The following CDYL variants were observed in gnomAD, a reference collection of about 807,000 sequenced individuals.
CDYL encodes chromodomain Y like, also known as chromodomain Y-like protein.
CDYL carries 8 observed loss-of-function variants against 47.3 expected under a neutral mutation model. The observed-to-expected ratio is 0.17, with a 90% CI of 0.10 to 0.31. CDYL has a LOEUF of 0.31. Among genes scored for constraint, CDYL ranks in the 10% least tolerant of loss-of-function variants. The pLI is 1.00. For synonymous variants in CDYL, 266 were observed against 265.0 expected, an observed-to-expected ratio of 1.00 and a Z score of -0.04; for missense variants, 471 against 701.4, an observed-to-expected ratio of 0.67 and a Z score of 3.71.
intron 1 of CDYL, among the ~76,000 whole-genome samples, chr6:4,820,636 A>T (rs904927631): frequency 1.3e-5 from 2 of 152,158 alleles, no homozygotes; most frequent in African/African-American, 4.8e-5. Context: ...GATTGTATTT[A>T]AGAAGAGGCT....
intron 1 of CDYL, among the ~76,000 whole-genome samples, chr6:4,824,775 C>T: frequency 6.6e-6 from 1 of 151,990 alleles, no homozygotes; most frequent in African/African-American, 2.4e-5. Flanking sequence ...ACATATCCAA[C>T]TGTTTCTTTT....
chr6:4,847,586 T>A (rs1393682438), intron 1 of CDYL, among the ~76,000 whole-genome samples: 1 of 152,224 alleles, frequency 6.6e-6, no homozygotes, highest in Non-Finnish European at 1.5e-5. Flanking sequence ...TCTCTTGTCA[T>A]GAACTGAAGG....
intron 1 of CDYL, among the ~76,000 whole-genome samples, chr6:4,842,635 TTTACC>T (rs1374056958): frequency 3.3e-5 from 5 of 152,262 alleles, no homozygotes; most frequent in Non-Finnish European, 2.9e-5. Context: ...GTTTCACCCG[TTTACC>T]TTAAGTTTAT....
At chr6:4,724,266 G>C (rs1757441795) in intron 2 of CDYL, 1 of 151,864 alleles carries the variant, frequency 6.6e-6, no homozygotes, top group Non-Finnish European at 1.5e-5. Context: ...GGCCCGGCTG[G>C]TCTCAAACTC....
At chr6:4,879,941 A>G (rs768631593) in intron 1 of CDYL, among the ~76,000 whole-genome samples, 1 of 152,010 alleles carries the variant, frequency 6.6e-6, no homozygotes, top group Non-Finnish European at 1.5e-5. Flanking sequence ...AGATTTCCCT[A>G]TACCCTCTCG....
intron 1 of CDYL, among the ~76,000 whole-genome samples, chr6:4,828,728 T>C (rs1581194737): frequency 6.6e-6 from 1 of 152,320 alleles, no homozygotes; most frequent in Non-Finnish European, 1.5e-5. Context: ...TTCTCCCAAG[T>C]CTTCCATAAT....
At chr6:4,895,545 A>ATG (rs144373160) in intron 2 of CDYL, among the ~76,000 whole-genome samples, 2,488 of 145,510 alleles carry the variant, frequency 0.017, 304 homozygotes, top group African/African-American at 0.067. Context: ...ATATGTGTAT[A>ATG]TGTGTGTGTG....
chr6:4,887,813 T>C (rs1031772580), intron 1 of CDYL, among the ~76,000 whole-genome samples: 11 of 152,052 alleles, frequency 7.2e-5, no homozygotes, highest in South Asian at 2.1e-4. Context: ...TGTGATGTTA[T>C]TTGTGTGTTT....
At chr6:4,892,414 G>T (rs746318621) in intron 2 of CDYL, 35 bp downstream of exon 2, 35 of 1,549,820 alleles carry the variant, frequency 2.3e-5, no homozygotes, top group Non-Finnish European at 3.0e-5. Flanking sequence ...GCTCCGTGGT[G>T]ATCCCAGAGG....
intron 3 of CDYL, among the ~76,000 whole-genome samples, chr6:4,740,083 A>C (rs1757770362): frequency 1.3e-5 from 2 of 152,354 alleles, no homozygotes; most frequent in Admixed American, 1.3e-4. Flanking sequence ...AAAAAGCAGT[A>C]CATGTGAAAT....
At chr6:4,917,777 A>G (rs1757597934) in intron 2 of CDYL, among the ~76,000 whole-genome samples, 1 of 152,158 alleles carries the variant, frequency 6.6e-6, no homozygotes, top group South Asian at 2.1e-4. Flanking sequence ...ATGATGATGA[A>G]TATCAGCAAA....
chr6:4,949,249 G>T (rs1399536349), intron 5 of CDYL, among the ~76,000 whole-genome samples: 1 of 152,216 alleles, frequency 6.6e-6, no homozygotes, highest in African/African-American at 2.4e-5. Flanking sequence ...GCACCTCTCA[G>T]GGGCCTGCTG....
At chr6:4,806,579 GA>G (rs1242892776) in intron 1 of CDYL, among the ~76,000 whole-genome samples, 1 of 152,184 alleles carries the variant, frequency 6.6e-6, no homozygotes, top group Admixed American at 6.5e-5. Flanking sequence ...AAGTCTTTGG[GA>G]GGAGCTATGC....
intron 3 of CDYL, among the ~76,000 whole-genome samples, chr6:4,753,028 C>T (rs1413272517): frequency 1.3e-5 from 2 of 152,014 alleles, no homozygotes; most frequent in Non-Finnish European, 2.9e-5. Context: ...AGCAATCCTC[C>T]CACCTTAGCC....
chr6:4,861,408 A>C (rs1761165573), intron 1 of CDYL, among the ~76,000 whole-genome samples: 3 of 152,216 alleles, frequency 2.0e-5, no homozygotes, highest in Admixed American at 1.3e-4. Flanking sequence ...GTGGTCACCC[A>C]GATAATAGAG....
intron 1 of CDYL, among the ~76,000 whole-genome samples, chr6:4,839,776 A>G (rs1386702469): frequency 3.3e-5 from 5 of 152,054 alleles, no homozygotes; most frequent in African/African-American, 7.2e-5. Flanking sequence ...CCATTGGTCT[A>G]TGTGCTTATT....
At chr6:4,863,426 A>G (rs1382914534) in intron 1 of CDYL, among the ~76,000 whole-genome samples, 3 of 152,198 alleles carry the variant, frequency 2.0e-5, no homozygotes, top group Non-Finnish European at 4.4e-5. Flanking sequence ...AATAGAAAAA[A>G]TCGAGTCACA....
intron 5 of CDYL, among the ~76,000 whole-genome samples, chr6:4,945,695 C>T (rs1472918690): frequency 3.3e-5 from 5 of 152,238 alleles, no homozygotes; most frequent in Admixed American, 2.6e-4. Context: ...TCAGAAAACG[C>T]TGCTGCCCAC....
intron 2 of CDYL, among the ~76,000 whole-genome samples, chr6:4,935,034 G>A (rs943005838): frequency 6.6e-6 from 1 of 152,224 alleles, no homozygotes; most frequent in Non-Finnish European, 1.5e-5. Context: ...CTGCCACACA[G>A]CTCTATGACC....
Sources: allele counts gnomAD v4.1 joint callset (sites outside exome capture counted in the v4.1 genomes callset), GRCh38; gene constraint gnomAD v4.1.1; transcripts MANE v1.5; gene names NCBI Gene and HGNC (gene_info 2026-07-23, HGNC 2026-07-21).